Variants in TNR observed in about 807,000 individuals in gnomAD.
TNR encodes tenascin-R.
Under a neutral mutation model 150.4 loss-of-function variants are expected in TNR, and 45 were observed. The ratio of observed to expected loss-of-function variants is 0.30; its 90% CI spans 0.24 to 0.38. The LOEUF is 0.38. Among genes scored for constraint, TNR ranks in the 10% least tolerant of loss-of-function variants. The pLI is 1.00. For synonymous variants in TNR, 687 were observed against 678.4 expected, an observed-to-expected ratio of 1.01 and a Z score of -0.20; for missense variants, 1,544 against 1,759.1, an observed-to-expected ratio of 0.88 and a Z score of 2.19.
In TNR at chr1:175,650,900, CT is replaced by C. The variant is rs112456733; in HGVS notation, c.-165+92325del. 5.7e-3 allele frequency among the ~76,000 whole-genome samples: 31 copies of C among 5,438 alleles called. 1 individual carries two copies. Among genetic ancestry groups the C allele is most frequent in the South Asian group, 9.8e-3 (2 of 204 alleles). The allele number at this position is 5,438 out of a possible 152,430, so 3.6% of individuals were successfully genotyped here. A position where few individuals can be genotyped will look rare whatever the true frequency, so the allele number is the denominator to read the frequency against. ...TCCTCCCCACCTCATTACTACCCCT[CT>C]CCCACCTCATTACTACCCCTCCCCA... On this transcript the variant is annotated intron_variant, in intron 1 of 22. Coordinates refer to ENST00000367674, the MANE Select transcript of TNR (RefSeq NM_003285.3).
chr1:175,391,261 C>G (rs1422439238), intron 7 of TNR, 27 bp downstream of exon 7: 1 of 1,610,974 alleles, frequency 6.2e-7, no homozygotes, highest in Non-Finnish European at 8.5e-7. Context: ...GTAGGCAGCT[C>G]TAGGGAGAAG....
chr1:175,711,298 G>A (rs1426200928), intron 1 of TNR, among the ~76,000 whole-genome samples: 1 of 152,126 alleles, frequency 6.6e-6, no homozygotes, highest in Non-Finnish European at 1.5e-5. Flanking sequence ...GGAGATGAGG[G>A]CTGAAGCATC....
rs371591261 is a variant in TNR at position 175,709,308 on chromosome 1, T to TACACACACACAC, written c.-165+33906_-165+33917dup. ...TCCCTTGCTTTCACACACACACACA[T>TACACACACACAC]ACACACACACACACACACACACACA... On this transcript the variant is annotated intron_variant, in intron 1 of 22. Coordinates refer to ENST00000367674, the MANE Select transcript of TNR (RefSeq NM_003285.3). Among the ~76,000 whole-genome samples, 494 of 127,802 alleles carry TACACACACACAC rather than the reference T, an allele frequency of 3.9e-3. 4 individuals carry two copies. Among genetic ancestry groups the TACACACACACAC allele is most frequent in the South Asian group, 0.016 (63 of 4,036 alleles). The allele number at this position is 127,802 out of a possible 152,430, so 83.8% of individuals were successfully genotyped here.
rs869312899 is a variant in TNR at position 175,386,077 on chromosome 1, G to C, written c.1732C>G (p.Arg578Gly). 1.2e-6 allele frequency: 2 copies of C among 1,609,740 alleles called. No homozygotes were observed. The highest frequency in any genetic ancestry group is 8.5e-7 in the Non-Finnish European group (1 of 1,176,902). ...GCAGAATCGCTCTCGTTGGTCCCTC[G>C]GACGGCACTGACTGACACCTCGTAT... ...SRYEVSVSAV[R>G]GTNESDSATT... Residue 578 changes from arginine (R) to glycine (G), a missense_variant, in exon 8 of 23, where the codon CGA becomes GGA. Arg to Gly is a moderately radical substitution (Grantham distance 125, BLOSUM62 -2). Around this residue, in one of 2 missense-constraint regions of TNR, gnomAD observed 1,254 missense variants for 1,329.4 expected, o/e 0.94. Coordinates refer to ENST00000367674, the MANE Select transcript of TNR (RefSeq NM_003285.3).
intron 1 of TNR, among the ~76,000 whole-genome samples, chr1:175,622,129 G>A (rs1663996969): frequency 1.3e-5 from 2 of 152,194 alleles, no homozygotes; most frequent in Admixed American, 1.3e-4. Flanking sequence ...ATACATTTCT[G>A]TATCTTACAT....
At position 175,527,956 on chromosome 1, in the gene TNR, C is replaced by T. The variant is rs376376035; in HGVS notation, c.-64+313G>A. ...CGGGCCCAGTGCAGGCACAGGCAGG[C>T]TGGGAGTCAAGTCTAGCTTCTTGGA... is the stretch of plus-strand genomic sequence containing the variant. On this transcript the variant is annotated intron_variant, in intron 2 of 22. Coordinates refer to ENST00000367674, the MANE Select transcript of TNR (RefSeq NM_003285.3). Among the ~76,000 whole-genome samples the T allele has an allele frequency of 7.9e-5, 12 of 152,338 alleles. No individual in the cohort carries two copies. The East Asian group carries it at 2.1e-3, about 27-fold the overall frequency.
intron 1 of TNR, among the ~76,000 whole-genome samples, chr1:175,669,357 A>C (rs1665626642): frequency 6.6e-6 from 1 of 152,144 alleles, no homozygotes; most frequent in Non-Finnish European, 1.5e-5. Flanking sequence ...ACTGAATGAA[A>C]ACCTCCAAGT....
At chr1:175,410,166 G>A (rs1654143967) in intron 2 of TNR, among the ~76,000 whole-genome samples, 1 of 152,164 alleles carries the variant, frequency 6.6e-6, no homozygotes, top group South Asian at 2.1e-4. Flanking sequence ...TCTAAGGCAG[G>A]GGCCGGCCTG....
intron 1 of TNR, among the ~76,000 whole-genome samples, chr1:175,606,505 C>T (rs982931): frequency 0.018 from 2,774 of 152,240 alleles, 64 homozygotes; most frequent in African/African-American, 0.058. Flanking sequence ...TCCGTTTACA[C>T]GATTTTTGGA....
chr1:175,738,588 A>T (rs1667838751), intron 1 of TNR, among the ~76,000 whole-genome samples: 1 of 152,218 alleles, frequency 6.6e-6, no homozygotes, highest in Non-Finnish European at 1.5e-5. Flanking sequence ...AAAATGGATG[A>T]TGGTGATGAT....
At chr1:175,526,819 G>A (rs943316757) in intron 2 of TNR, among the ~76,000 whole-genome samples, 3 of 152,204 alleles carry the variant, frequency 2.0e-5, no homozygotes, top group African/African-American at 7.2e-5. Flanking sequence ...TACCTATTTG[G>A]TAACTCCTGC....
chr1:175,421,785 A>G (rs767661734), intron 2 of TNR, among the ~76,000 whole-genome samples: 10 of 152,226 alleles, frequency 6.6e-5, no homozygotes, highest in Non-Finnish European at 1.2e-4. Context: ...GGAAGGGAAC[A>G]TACCCACCAG....
At chr1:175,363,195 C>T (rs1182048322) in intron 13 of TNR, among the ~76,000 whole-genome samples, 1 of 152,192 alleles carries the variant, frequency 6.6e-6, no homozygotes, top group Non-Finnish European at 1.5e-5. Flanking sequence ...CCTCCACTTC[C>T]TTAAAAATGC....
intron 1 of TNR, among the ~76,000 whole-genome samples, chr1:175,604,531 C>T (rs1663352435): frequency 6.6e-6 from 1 of 152,276 alleles, no homozygotes; most frequent in South Asian, 2.1e-4. Flanking sequence ...AAGCTCACTT[C>T]CTTGCCCGAT....
chr1:175,663,334 G>T (rs875410), intron 1 of TNR, among the ~76,000 whole-genome samples: 1 of 152,184 alleles, frequency 6.6e-6, no homozygotes, highest in African/African-American at 2.4e-5. Context: ...GTATGAGGGA[G>T]AAGAGAACTG....
chr1:175,448,724 A>C (rs75895367), intron 2 of TNR, among the ~76,000 whole-genome samples: 32 of 152,338 alleles, frequency 2.1e-4, no homozygotes, highest in African/African-American at 7.5e-4. Context: ...TTCCAGGTTC[A>C]AGGCTTCCGA....
intron 9 of TNR, 71 bp downstream of exon 9, chr1:175,379,481 A>G: frequency 7.1e-7 from 1 of 1,411,086 alleles, no homozygotes; most frequent in Non-Finnish European, 9.8e-7. Context: ...TAAGATGTGT[A>G]GGTTGGGGAG....
At chr1:175,499,555 A>T (rs1442086614) in intron 2 of TNR, among the ~76,000 whole-genome samples, 1 of 152,134 alleles carries the variant, frequency 6.6e-6, no homozygotes, top group Non-Finnish European at 1.5e-5. Context: ...CAGACTCTGC[A>T]CCCTAGCTTT....
chr1:175,325,212 T>C (rs2101979132), intron 21 of TNR, among the ~76,000 whole-genome samples: 1 of 152,190 alleles, frequency 6.6e-6, no homozygotes, highest in Admixed American at 6.5e-5. Flanking sequence ...TGGGGAAGTA[T>C]GAGGATTAGT....
Sources: allele counts gnomAD v4.1 joint callset (sites outside exome capture counted in the v4.1 genomes callset), GRCh38; gene constraint gnomAD v4.1.1; regional missense constraint gnomAD v4.1.1; transcripts MANE v1.5; gene names NCBI Gene and HGNC (gene_info 2026-07-23, HGNC 2026-07-21).